TRPM8: variants seen among roughly 807,000 people sequenced by gnomAD.
TRPM8 encodes TRPM8 cationic channel.
TRPM8 carries 110 observed loss-of-function variants against 133.7 expected under a neutral mutation model. The observed-to-expected ratio is 0.82, with a 90% CI of 0.70 to 0.96. The LOEUF is 0.96. Among genes scored for constraint, TRPM8 ranks in the 40% least tolerant of loss-of-function variants. The pLI is 0.00. For missense variants in TRPM8, 1,291 were observed against 1,379.5 expected (o/e 0.94, Z 1.02); for synonymous variants, 535 against 532.3 (o/e 1.01, Z -0.07).
intron 1 of TRPM8, among the ~76,000 whole-genome samples, chr2:233,918,904 T>A (rs1004151916): frequency 4.6e-5 from 7 of 152,178 alleles, no homozygotes; most frequent in African/African-American, 1.7e-4. Flanking sequence ...ACCATTTTCA[T>A]GAATAATTGA....
chr2:233,993,642 G>GT (rs1008485807), intron 21 of TRPM8, among the ~76,000 whole-genome samples: 8 of 152,294 alleles, frequency 5.3e-5, no homozygotes, highest in Admixed American at 3.9e-4. Flanking sequence ...TAGAAGACAT[G>GT]TTTTTCCCTG....
intron 3 of TRPM8, among the ~76,000 whole-genome samples, chr2:233,932,527 G>A (rs1272153992): frequency 6.6e-6 from 1 of 152,134 alleles, no homozygotes; most frequent in East Asian, 1.9e-4. Flanking sequence ...AATGCAGAAA[G>A]GCATGATTCC....
At chr2:233,977,719 T>G (rs17864755) in intron 17 of TRPM8, among the ~76,000 whole-genome samples, 16,978 of 152,200 alleles carry the variant, frequency 0.11, 1,100 homozygotes, top group East Asian at 0.35. Flanking sequence ...ACTGAGTGAA[T>G]AGGGTGACAA....
intron 4 of TRPM8, 75 bp from the exon 5 acceptor site, chr2:233,938,923 G>C: frequency 1.3e-6 from 2 of 1,516,434 alleles, no homozygotes; most frequent in Non-Finnish European, 1.8e-6. Flanking sequence ...GGGCTTGGAA[G>C]TTGGGAGGGA....
intron 17 of TRPM8, among the ~76,000 whole-genome samples, chr2:233,974,007 AT>A (rs1440487603): frequency 6.6e-6 from 1 of 152,146 alleles, no homozygotes; most frequent in Non-Finnish European, 1.5e-5. Context: ...TTTCAAAGGC[AT>A]TTCAGGGACA....
At chr2:234,007,216 C>A (rs778090246) in intron 23 of TRPM8, among the ~76,000 whole-genome samples, 83 of 152,146 alleles carry the variant, frequency 5.5e-4, no homozygotes, top group Non-Finnish European at 1.1e-3. Context: ...GCCTGCAGTG[C>A]AGGGCCATGG....
chr2:234,018,500 T>G lies in TRPM8; in HGVS notation c.*1244T>G, dbSNP rs1417205150. On this transcript the variant is annotated 3_prime_UTR_variant, in exon 26 of 26. Coordinates refer to ENST00000324695, the MANE Select transcript of TRPM8 (RefSeq NM_024080.5). ...TCATAAATGTATAGCAAATAGGAAT[T>G]ATTAACTTGAGCATAAGATATGAGA... The G allele has an allele frequency of 3.3e-5, 5 of 151,936 alleles. No individual in the cohort carries two copies. The highest frequency in any genetic ancestry group is 7.4e-5 in the Non-Finnish European group (5 of 67,982). 9.4% of individuals were successfully genotyped at this position (151,936 alleles called of 1,614,324 possible). A position where few individuals can be genotyped will look rare whatever the true frequency, so the allele number is the denominator to read the frequency against.
rs199828215 is a variant in TRPM8 at position 233,981,890 on chromosome 2, C to T, written c.2564C>T (p.Pro855Leu). 112 of 1,612,150 alleles carry T rather than the reference C, an allele frequency of 6.9e-5. No individual in the cohort carries two copies. Among genetic ancestry groups the T allele is most frequent in the Non-Finnish European group, 9.3e-5 (110 of 1,179,568 alleles). The change falls in exon 19 of 26, where the codon CCC (proline) becomes CTC (leucine). Residue 855 changes from proline to leucine, a missense_variant. This residue lies in a region of TRPM8 where 328 missense variants were observed against 410.6 expected (regional missense o/e 0.80). Coordinates refer to ENST00000324695, the MANE Select transcript of TRPM8 (RefSeq NM_024080.5). ...HIFTVSRNLG[P>L]KIIMLQRMLI... is the part of the protein sequence containing the mutation. ...TTTACTGTAAGCAGAAACTTAGGAC[C>T]CAAGATTATAATGCTGCAGAGGATG...
intron 9 of TRPM8, among the ~76,000 whole-genome samples, chr2:233,950,425 A>G (rs1691147239): frequency 6.6e-6 from 1 of 152,234 alleles, no homozygotes; most frequent in South Asian, 2.1e-4. Flanking sequence ...ATGTTGTAAT[A>G]TCTTATTCAA....
chr2:233,990,528 A>G (rs1005599941), intron 21 of TRPM8, among the ~76,000 whole-genome samples: 2 of 152,054 alleles, frequency 1.3e-5, no homozygotes, highest in Non-Finnish European at 2.9e-5. Flanking sequence ...TGTACATGCT[A>G]GTACATCCAT....
At chr2:233,926,901 C>T (rs1361438386) in intron 2 of TRPM8, among the ~76,000 whole-genome samples, 1 of 152,146 alleles carries the variant, frequency 6.6e-6, no homozygotes, top group Non-Finnish European at 1.5e-5. Flanking sequence ...CTCCTAGCTG[C>T]ACTCCTTCAC....
At chr2:233,922,117 C>A (rs1400259572) in intron 1 of TRPM8, among the ~76,000 whole-genome samples, 1 of 151,936 alleles carries the variant, frequency 6.6e-6, no homozygotes, top group African/African-American at 2.4e-5. Flanking sequence ...TCAATTAAGT[C>A]TAGGTTAGAA....
Position 233,989,308 on chromosome 2 carries a change from G to A in TRPM8, c.2939+3443G>A, listed in dbSNP as rs551375351. On this transcript the variant is annotated intron_variant, in intron 21 of 25. Coordinates refer to ENST00000324695, the MANE Select transcript of TRPM8 (RefSeq NM_024080.5). This position sits in a 1 kb window ranked among gnomAD's most constrained non-coding sequence, Gnocchi z 4.2. The stretch of plus-strand genomic sequence containing the variant: ...CAGCTCAGCGTCTGTGGTCCTGGCC[G>A]CGCGTTATCTGGCTTAACTCAGGTC... Among the ~76,000 whole-genome samples the A allele has an allele frequency of 3.9e-4, 59 of 152,300 alleles. No homozygotes were observed. The highest frequency in any genetic ancestry group is 6.8e-3 in the Middle Eastern group (2 of 294).
rs548663528 is a variant in TRPM8, at chr2:234,015,399, A to G, written c.*42+745A>G. On this transcript the variant is annotated intron_variant, in intron 25 of 25. Transcript: ENST00000324695. ...AAAGCAAATTGCAAGGAATGGAAACATAATTAAGAATTCTCTTCTTTCTCC... is the reference window on the plus strand; with the variant it reads ...AAAGCAAATTGCAAGGAATGGAAACGTAATTAAGAATTCTCTTCTTTCTCC... 4.6e-5 allele frequency among the ~76,000 whole-genome samples: 7 copies of G among 152,138 alleles called. No individual in the cohort carries two copies. In the South Asian group the frequency reaches 1.5e-3, roughly 32 times the overall value.
At chr2:233,940,645 C>T (rs1037471096) in intron 5 of TRPM8, among the ~76,000 whole-genome samples, 1 of 152,190 alleles carries the variant, frequency 6.6e-6, no homozygotes, top group Non-Finnish European at 1.5e-5. Flanking sequence ...GCTACCTTCA[C>T]TTCCCATTGT....
intron 7 of TRPM8, 121 bp from the exon 8 acceptor site, chr2:233,946,967 T>G (rs922653097): frequency 8.9e-6 from 7 of 790,358 alleles, no homozygotes; most frequent in African/African-American, 1.7e-5. Context: ...GTCCGTGAGA[T>G]GTGAAGCTAT....
chr2:233,969,589 G>A, intron 15 of TRPM8, 106 bp from the exon 16 acceptor site: 2 of 713,968 alleles, frequency 2.8e-6, no homozygotes, highest in South Asian at 1.7e-5. Flanking sequence ...AATTCAAAGA[G>A]CTGTGTATTT....
chr2:233,972,391 G>T (rs1691748281), intron 17 of TRPM8, among the ~76,000 whole-genome samples: 4 of 152,270 alleles, frequency 2.6e-5, no homozygotes, highest in Admixed American at 2.6e-4. Context: ...AGACTCAGGA[G>T]CCCAGCTGGC....
intron 17 of TRPM8, among the ~76,000 whole-genome samples, chr2:233,974,330 T>A (rs1253854271): frequency 6.6e-6 from 1 of 152,080 alleles, no homozygotes; most frequent in Non-Finnish European, 1.5e-5. Context: ...ACCTCCCAGG[T>A]TCAAGTGATT....
Sources: gnomAD v4.1 joint callset for allele counts (sites outside exome capture counted in the v4.1 genomes callset) on GRCh38, gnomAD v4.1.1 for gene constraint, gnomAD v4.1.1 regional missense constraint, Gnocchi (gnomAD v3.1) non-coding constraint, MANE v1.5 for transcripts, NCBI Gene and HGNC (gene_info 2026-07-23, HGNC 2026-07-21) for gene names.